The following ADAMTSL3 variants were observed in gnomAD, a reference collection of about 807,000 sequenced individuals.
ADAMTSL3 encodes the protein ADAMTS-like protein 3.
In ADAMTSL3, 128 loss-of-function variants were observed where a neutral mutation model predicts 201.7. That is an observed-to-expected ratio of 0.63 (90% CI 0.55 to 0.73). ADAMTSL3 has a LOEUF of 0.73. Ranked by LOEUF, ADAMTSL3 falls within the 30% of genes least tolerant of loss-of-function variation. ADAMTSL3 has a pLI of 0.00. For missense variants in ADAMTSL3, 1,990 were observed against 2,119.6 expected (o/e 0.94, Z 1.20); for synonymous variants, 738 against 748.4 (o/e 0.99, Z 0.23).
intron 8 of ADAMTSL3, among the ~76,000 whole-genome samples, chr15:83,864,308 C>A (rs1409533994): frequency 2.0e-5 from 3 of 151,886 alleles, no homozygotes; most frequent in Admixed American, 1.3e-4. Context: ...GAGACACAAC[C>A]AAAAAAGAGA....
chr15:83,888,229 A>G (rs2065435426), intron 10 of ADAMTSL3, among the ~76,000 whole-genome samples: 1 of 152,222 alleles, frequency 6.6e-6, no homozygotes, highest in Non-Finnish European at 1.5e-5. Flanking sequence ...CACTGGCAGA[A>G]TTTCAATACA....
intron 17 of ADAMTSL3, among the ~76,000 whole-genome samples, chr15:83,928,802 T>G (rs2066295256): frequency 6.6e-6 from 1 of 152,238 alleles, no homozygotes; most frequent in African/African-American, 2.4e-5. Flanking sequence ...TAATTTAAAT[T>G]TTCAAGACTA....
intron 28 of ADAMTSL3, among the ~76,000 whole-genome samples, chr15:84,033,204 T>C (rs2068440512): frequency 6.6e-6 from 1 of 152,130 alleles, no homozygotes; most frequent in African/African-American, 2.4e-5. Flanking sequence ...CCATCCATGC[T>C]CCTTTCCAAC....
At chr15:83,936,724 G>A (rs773063619) in intron 17 of ADAMTSL3, among the ~76,000 whole-genome samples, 17 of 150,972 alleles carry the variant, frequency 1.1e-4, no homozygotes, top group Non-Finnish European at 2.1e-4. Context: ...AGAGTAAATA[G>A]CCAACCTACA....
chr15:83,690,713 A>G (rs760092778), intron 2 of ADAMTSL3, among the ~76,000 whole-genome samples: 3 of 152,172 alleles, frequency 2.0e-5, no homozygotes, highest in South Asian at 4.1e-4. Context: ...CCATGGGAGC[A>G]TGGAGTGTCT....
At chr15:83,778,848 T>C (rs1196118493) in intron 4 of ADAMTSL3, among the ~76,000 whole-genome samples, 2 of 152,162 alleles carry the variant, frequency 1.3e-5, no homozygotes, top group African/African-American at 2.4e-5. Flanking sequence ...CCAAGACCCA[T>C]TGGTATGCTT....
chr15:83,843,576 G>T (rs1409985827), intron 7 of ADAMTSL3, among the ~76,000 whole-genome samples: 1 of 152,194 alleles, frequency 6.6e-6, no homozygotes, highest in East Asian at 1.9e-4. Flanking sequence ...TTGTGTGAAA[G>T]AAATGTAGGA....
chr15:83,706,152 A>C (rs755428279), intron 3 of ADAMTSL3, among the ~76,000 whole-genome samples: 32 of 152,146 alleles, frequency 2.1e-4, no homozygotes, highest in Non-Finnish European at 4.1e-4. Flanking sequence ...AGAACTTCAG[A>C]GGAACTAATT....
chr15:83,731,870 G>A (rs62025763), intron 3 of ADAMTSL3, among the ~76,000 whole-genome samples: 17 of 152,098 alleles, frequency 1.1e-4, no homozygotes, highest in Admixed American at 2.6e-4. Flanking sequence ...TCACTTATAC[G>A]TGAAATCTAA....
intron 7 of ADAMTSL3, among the ~76,000 whole-genome samples, chr15:83,855,822 G>A (rs1480420261): frequency 6.6e-6 from 1 of 152,054 alleles, no homozygotes; most frequent in African/African-American, 2.4e-5. Context: ...TATCACTTTT[G>A]CTTGTTTGTT....
At chr15:83,700,050 C>G (rs1195274821) in intron 2 of ADAMTSL3, among the ~76,000 whole-genome samples, 1 of 151,986 alleles carries the variant, frequency 6.6e-6, no homozygotes, top group South Asian at 2.1e-4. Context: ...TTTTTTGTTC[C>G]TCATTGTATC....
intron 10 of ADAMTSL3, among the ~76,000 whole-genome samples, chr15:83,889,657 C>T (rs972537606): frequency 2.6e-4 from 39 of 152,036 alleles, no homozygotes; most frequent in African/African-American, 7.2e-5. Flanking sequence ...AGAGAAGGGC[C>T]TTGCACAGTG....
intron 2 of ADAMTSL3, among the ~76,000 whole-genome samples, chr15:83,671,757 A>G (rs933486823): frequency 4.6e-5 from 7 of 152,078 alleles, no homozygotes; most frequent in African/African-American, 1.7e-4. Context: ...GTGGGGAGCA[A>G]TCTAACTCTT....
chr15:83,837,894 G>A (rs1248443759), intron 6 of ADAMTSL3, among the ~76,000 whole-genome samples, 195 bp from the exon 7 acceptor site: 3 of 151,516 alleles, frequency 2.0e-5, no homozygotes, highest in Admixed American at 2.0e-4. Context: ...TTAATATTTC[G>A]GCCTTACATT....
chr15:83,941,154 A>G (rs1290790842), intron 17 of ADAMTSL3, among the ~76,000 whole-genome samples: 1 of 151,816 alleles, frequency 6.6e-6, no homozygotes, highest in Non-Finnish European at 1.5e-5. Context: ...TAATCTCCAT[A>G]CTTGTATGAT....
chr15:83,962,968 G>A (rs2067001850), intron 19 of ADAMTSL3, among the ~76,000 whole-genome samples: 4 of 152,176 alleles, frequency 2.6e-5, no homozygotes, highest in Admixed American at 2.6e-4. Context: ...GTGCTGTGAG[G>A]AATGGTGCAA....
At chr15:83,797,745 T>C (rs2063451742) in intron 4 of ADAMTSL3, among the ~76,000 whole-genome samples, 1 of 152,194 alleles carries the variant, frequency 6.6e-6, no homozygotes, top group African/African-American at 2.4e-5. Flanking sequence ...AACTGGTATG[T>C]CCATGTTAGA....
chr15:83,813,093 C>T (rs980745535), intron 5 of ADAMTSL3, among the ~76,000 whole-genome samples: 7 of 152,192 alleles, frequency 4.6e-5, no homozygotes, highest in African/African-American at 1.7e-4. Flanking sequence ...CTTTTAGCAA[C>T]ACGTGAGCAC....
Position 83,991,283 on chromosome 15 carries a change from G to A in ADAMTSL3, c.3973+69G>A. 2.5e-6 allele frequency: 4 copies of A among 1,600,234 alleles called. No individual in the cohort carries two copies. The South Asian group carries it at 4.5e-5, about 18-fold the overall frequency. On this transcript the variant is annotated intron_variant, in intron 23 of 29. Coordinates refer to ENST00000286744, the MANE Select transcript of ADAMTSL3 (RefSeq NM_207517.3). ...AAGTGTGGCCATCCCAGTGTTGCCAGGAAACACCAGCTGGCATTTTGGTAT... is the reference window on the plus strand; with the variant it reads ...AAGTGTGGCCATCCCAGTGTTGCCAAGAAACACCAGCTGGCATTTTGGTAT...
Sources: gnomAD v4.1 joint callset for allele counts (sites outside exome capture counted in the v4.1 genomes callset) on GRCh38, gnomAD v4.1.1 for gene constraint, MANE v1.5 for transcripts, NCBI Gene and HGNC (gene_info 2026-07-23, HGNC 2026-07-21) for gene names.